PCDH15: variants seen among roughly 807,000 people sequenced by gnomAD.
PCDH15 encodes the protein protocadherin-15.
PCDH15 carries 129 observed loss-of-function variants against 178.5 expected under a neutral mutation model. The ratio of observed to expected loss-of-function variants is 0.72; its 90% CI spans 0.63 to 0.84. The LOEUF (loss-of-function observed/expected upper bound fraction) is 0.84, where lower values mean the gene tolerates loss of function less well. Ranked by LOEUF, PCDH15 falls within the 40% of genes least tolerant of loss-of-function variation. The pLI is 0.00. For missense variants in PCDH15, 2,230 were observed against 2,099.9 expected (o/e 1.06, Z -1.21); for synonymous variants, 800 against 732.0 (o/e 1.09, Z -1.50).
At position 55,072,432 on chromosome 10, in the gene PCDH15, T is replaced by C. The variant is rs865987397; in HGVS notation, c.-80+94144A>G. 6.1e-3 allele frequency among the ~76,000 whole-genome samples: 933 copies of C among 152,054 alleles called. 4 individuals are homozygous for C. Among genetic ancestry groups the C allele is most frequent in the Non-Finnish European group, 8.2e-3 (559 of 67,950 alleles). ...AAAGGGGATATCACCACCGATCCCA[T>C]AGAAATACAAACTACCATCAGAGAA... is the stretch of plus-strand genomic sequence containing the variant. On this transcript the variant is annotated intron_variant, in intron 2 of 5. Coordinates refer to the PCDH15 transcript ENST00000458638.
chr10:55,341,517 C>T (rs1453723836), intron 2 of PCDH15, among the ~76,000 whole-genome samples: 2 of 150,204 alleles, frequency 1.3e-5, no homozygotes, highest in African/African-American at 4.9e-5. Context: ...TATCAATTTC[C>T]AAACCCATCT....
intron 2 of PCDH15, among the ~76,000 whole-genome samples, chr10:54,919,184 G>C (rs565348013): frequency 5.4e-4 from 82 of 151,636 alleles, no homozygotes; most frequent in Non-Finnish European, 1.0e-3. Context: ...CTCTTTTTTT[G>C]GATTCCATTC....
At chr10:55,419,852 T>G (rs1049190863) in intron 2 of PCDH15, among the ~76,000 whole-genome samples, 2 of 151,528 alleles carry the variant, frequency 1.3e-5, no homozygotes, top group African/African-American at 4.8e-5. Context: ...GGGGGAAAAG[T>G]GCAAAAAAAT....
chr10:53,840,433 T>C lies in PCDH15; in HGVS notation c.3870A>G (p.Gly1290=). ...PGAKVVVESI[G]ARRHGDAFSL... is the part of the protein sequence containing the mutation. ...AAAAGGCATCTCCATGCCGGCGAGCTCCAATGGACTCCACTACGACCTTGG... is the reference window on the plus strand; with the variant it reads ...AAAAGGCATCTCCATGCCGGCGAGCCCCAATGGACTCCACTACGACCTTGG... Residue 1290 remains glycine (G), a synonymous_variant, in exon 29 of 38, where the codon GGA becomes GGG. Transcript: ENST00000644397. 6.2e-7 allele frequency: 1 copy of C among 1,613,962 alleles called. No homozygotes were observed. Among genetic ancestry groups the C allele is most frequent in the Non-Finnish European group, 8.5e-7 (1 of 1,179,896 alleles).
chr10:55,235,509 A>G (rs1841353078), intron 1 of PCDH15, among the ~76,000 whole-genome samples: 1 of 152,104 alleles, frequency 6.6e-6, no homozygotes, highest in African/African-American at 2.4e-5. Context: ...TAAATTTAAG[A>G]TACCGTATTA....
intron 1 of PCDH15, among the ~76,000 whole-genome samples, chr10:55,280,839 C>T (rs1425164947): frequency 6.6e-6 from 1 of 152,060 alleles, no homozygotes; most frequent in African/African-American, 2.4e-5. Flanking sequence ...AATATTAAAC[C>T]ATGTGCTATG....
chr10:54,710,224 A>G (rs1382580587), intron 1 of PCDH15, among the ~76,000 whole-genome samples: 5 of 151,964 alleles, frequency 3.3e-5, no homozygotes, highest in African/African-American at 1.2e-4. Flanking sequence ...CGATCATGCA[A>G]TGATTCTTTA....
At chr10:54,895,572 C>A (rs745405029) in intron 3 of PCDH15, among the ~76,000 whole-genome samples, 5 of 152,072 alleles carry the variant, frequency 3.3e-5, no homozygotes, top group Non-Finnish European at 4.4e-5. Flanking sequence ...TTGTCAGAGG[C>A]CAGAAAGATT....
upstream of PCDH15, among the ~76,000 whole-genome samples, chr10:55,322,053 G>T (rs1053509678): frequency 2.0e-5 from 3 of 152,134 alleles, no homozygotes; most frequent in African/African-American, 7.2e-5. Context: ...GTCTCACCTC[G>T]AATTGTAATA....
intron 1 of PCDH15, among the ~76,000 whole-genome samples, chr10:54,684,048 AC>A (rs1438019160): frequency 6.6e-6 from 1 of 152,068 alleles, no homozygotes; most frequent in Non-Finnish European, 1.5e-5. Flanking sequence ...GGGAAATTAT[AC>A]CTAAGATGAG....
chr10:53,959,309 AACGTACAC>A (rs2088019466), intron 23 of PCDH15, among the ~76,000 whole-genome samples: 1 of 150,822 alleles, frequency 6.6e-6, no homozygotes, highest in Non-Finnish European at 1.5e-5. Flanking sequence ...TACACACACA[AACGTACAC>A]ACATACACAC....
At chr10:54,368,554 GCAAAA>G (rs969836160) in intron 5 of PCDH15, among the ~76,000 whole-genome samples, 1 of 151,788 alleles carries the variant, frequency 6.6e-6, no homozygotes, top group Non-Finnish European at 1.5e-5. Context: ...ATAAAACAAA[GCAAAA>G]CAACAAACAA....
intron 2 of PCDH15, among the ~76,000 whole-genome samples, chr10:55,591,765 T>A (rs1842846359): frequency 6.6e-6 from 1 of 152,220 alleles, no homozygotes; most frequent in South Asian, 2.1e-4. Context: ...TCCTTTTCCA[T>A]TGTAAACAGT....
intron 2 of PCDH15, among the ~76,000 whole-genome samples, chr10:55,395,649 A>G (rs1837909959): frequency 6.6e-6 from 1 of 152,062 alleles, no homozygotes; most frequent in Non-Finnish European, 1.5e-5. Flanking sequence ...AATAGGAGCA[A>G]CTTCAAGCAG....
intron 8 of PCDH15, among the ~76,000 whole-genome samples, chr10:54,252,242 C>T (rs2056541822): frequency 6.6e-6 from 1 of 152,112 alleles, no homozygotes; most frequent in Non-Finnish European, 1.5e-5. Flanking sequence ...TCCCTTTTTG[C>T]TGTCTCCACA....
intron 18 of PCDH15, among the ~76,000 whole-genome samples, chr10:54,057,094 C>T (rs1292454637): frequency 2.6e-5 from 4 of 152,196 alleles, no homozygotes; most frequent in African/African-American, 7.2e-5. Flanking sequence ...AGCTCCCACT[C>T]CTGGTTGTTT....
In PCDH15 at chr10:54,739,217, G is replaced by A. The variant is rs150243959; in HGVS notation, c.-29+61708C>T. Among the ~76,000 whole-genome samples, 466 of 151,724 alleles carry A rather than the reference G, an allele frequency of 3.1e-3. 1 individual carries two copies. Among genetic ancestry groups the A allele is most frequent in the African/African-American group, 0.01 (430 of 41,368 alleles). ...CCGTTAGAACTGATCCATGAATTCA[G>A]TAAAGTTGCTACAAAATCAACATAC... On this transcript the variant is annotated intron_variant, in intron 1 of 37. Transcript: ENST00000644397.
At chr10:54,986,344 G>GAA (rs5785106) in intron 2 of PCDH15, among the ~76,000 whole-genome samples, 43 of 148,224 alleles carry the variant, frequency 2.9e-4, no homozygotes, top group Middle Eastern at 3.5e-3. Context: ...ACAGGATTGA[G>GAA]AAAAAAAAAA....
chr10:54,023,953 C>G (rs1346920059), intron 18 of PCDH15, among the ~76,000 whole-genome samples: 3 of 151,910 alleles, frequency 2.0e-5, no homozygotes, highest in Non-Finnish European at 4.4e-5. Context: ...AGATTTGAAA[C>G]TAAATCTGTT....
Sources: gnomAD v4.1 joint callset for allele counts (sites outside exome capture counted in the v4.1 genomes callset) on GRCh38, gnomAD v4.1.1 for gene constraint, MANE v1.5 for transcripts, NCBI Gene and HGNC (gene_info 2026-07-23, HGNC 2026-07-21) for gene names.